The following PTCD3 variants were observed in gnomAD, a reference collection of about 807,000 sequenced individuals.
PTCD3 encodes small ribosomal subunit protein mS39.
In PTCD3, 89 loss-of-function variants were observed where a neutral mutation model predicts 101.9. The ratio of observed to expected loss-of-function variants is 0.87; its 90% CI spans 0.74 to 1.04. The LOEUF is 1.04. Among genes scored for constraint, PTCD3 ranks in the 50% least tolerant of loss-of-function variants. The probability of loss-of-function intolerance (pLI) is 0.00; values close to 1 mark genes in which losing one functional copy is unlikely to be tolerated. For missense variants in PTCD3, 870 were observed against 828.2 expected (o/e 1.05, Z -0.62); for synonymous variants, 296 against 278.5 (o/e 1.06, Z -0.63).
At chr2:86,120,318 C>T (rs1050501745) in intron 7 of PTCD3, among the ~76,000 whole-genome samples, 1 of 152,048 alleles carries the variant, frequency 6.6e-6, no homozygotes, top group Non-Finnish European at 1.5e-5. Context: ...GCTAACATAC[C>T]AGGGAAAGGA....
chr2:86,141,953 T>C lies in PTCD3; in HGVS notation c.*4394T>C, dbSNP rs565941725. ...CTCCGCTGCTTTTTGCACATGTTAC[T>C]GAGTTACATCTCAGGAAGATTTTTA... On this transcript the variant is annotated 3_prime_UTR_variant, in exon 24 of 24. Coordinates refer to ENST00000254630, the MANE Select transcript of PTCD3 (RefSeq NM_017952.6). 6.6e-6 allele frequency: 1 copy of C among 152,104 alleles called. No individual in the cohort carries two copies. Among genetic ancestry groups the C allele is most frequent in the South Asian group, 2.1e-4 (1 of 4,822 alleles). 9.4% of individuals were successfully genotyped at this position (152,104 alleles called of 1,614,324 possible).
intron 12 of PTCD3, 65 bp downstream of exon 12, chr2:86,125,945 G>C (rs1054690427): frequency 8.2e-7 from 1 of 1,214,754 alleles, no homozygotes; most frequent in Non-Finnish European, 1.2e-6. Context: ...AAATACATGG[G>C]CTGGCCAGGT....
intron 12 of PTCD3, 117 bp from the exon 13 acceptor site, chr2:86,127,044 T>C: frequency 1.1e-6 from 1 of 874,748 alleles, no homozygotes; most frequent in Non-Finnish European, 1.7e-6. Context: ...AGGGATATAG[T>C]TACTAACCTG....
In PTCD3 at chr2:86,137,881, G is replaced by A. The variant is rs978330410; in HGVS notation, c.*322G>A. Reference sequence around the variant, plus strand: ...TAGAGTGTCGGTGAGCTGACCTCACGATGCTGTCCTCGTGCGATTGCCCTC... The same window carrying A: ...TAGAGTGTCGGTGAGCTGACCTCACAATGCTGTCCTCGTGCGATTGCCCTC... On this transcript the variant is annotated 3_prime_UTR_variant, in exon 24 of 24. Coordinates refer to ENST00000254630, the MANE Select transcript of PTCD3 (RefSeq NM_017952.6). The A allele has an allele frequency of 1.5e-4, 42 of 283,908 alleles. No homozygotes were observed. Among genetic ancestry groups the A allele is most frequent in the South Asian group, 1.9e-4 (5 of 26,254 alleles). 17.6% of individuals were successfully genotyped at this position (283,908 alleles called of 1,614,324 possible). A position where few individuals can be genotyped will look rare whatever the true frequency, so the allele number is the denominator to read the frequency against.
At chr2:86,106,461 C>T (rs1016712889) in intron 1 of PTCD3, 110 bp downstream of exon 1, 1 of 1,134,900 alleles carries the variant, frequency 8.8e-7, no homozygotes, top group Non-Finnish European at 1.3e-6. Context: ...TCATGCGCGC[C>T]CTTAACGGTC....
Position 86,125,798 on chromosome 2 carries a change from A to G in PTCD3, c.869A>G (p.Asp290Gly). 6.3e-7 allele frequency: 1 copy of G among 1,596,590 alleles called. No individual in the cohort carries two copies. The highest frequency in any genetic ancestry group is 8.6e-7 in the Non-Finnish European group (1 of 1,166,740). ...TELLNNRLHA[D>G]VYTFNALIEA... ...TTATCATTTTATTATTTTACAGCTG[A>G]TGTATACACATTTAATGCATTGATT... is the stretch of plus-strand genomic sequence containing the variant. The change falls in exon 12 of 24, where the codon GAT becomes GGT. Residue 290 changes from aspartate (D) to glycine (G), a missense_variant. Asp to Gly is a moderately conservative substitution (Grantham distance 94). Transcript: ENST00000254630.
chr2:86,135,098 T>G, intron 21 of PTCD3, 111 bp downstream of exon 21: 1 of 1,306,022 alleles, frequency 7.7e-7, no homozygotes, highest in Non-Finnish European at 1.0e-6. Context: ...CGTATTTGAT[T>G]CGGGAACTTG....
chr2:86,124,475 A>G (rs912919837), intron 9 of PTCD3, among the ~76,000 whole-genome samples: 8 of 152,212 alleles, frequency 5.3e-5, no homozygotes, highest in Non-Finnish European at 8.8e-5. Flanking sequence ...AAATACAACA[A>G]TTAGCTAGGC....
At chr2:86,112,569 C>T (rs1243228462) in intron 4 of PTCD3, among the ~76,000 whole-genome samples, 1 of 150,466 alleles carries the variant, frequency 6.6e-6, no homozygotes, top group Non-Finnish European at 1.5e-5. Flanking sequence ...GTAGTCCTAC[C>T]TATTCAGGAG....
intron 21 of PTCD3, chr2:86,135,979 A>G (rs763666770): frequency 5.8e-6 from 3 of 519,234 alleles, no homozygotes; most frequent in South Asian, 1.4e-5. Context: ...GAGCACTTAC[A>G]TGAGACTGTT....
At chr2:86,112,681 C>CAAAAAAAAA (rs397953846) in intron 4 of PTCD3, among the ~76,000 whole-genome samples, 1 of 81,310 alleles carries the variant, frequency 1.2e-5, no homozygotes. Flanking sequence ...GACTCTGTCT[C>CAAAAAAAAA]AAAAAAAAAA....
chr2:86,125,801 T>G lies in PTCD3; in HGVS notation c.872T>G (p.Val291Gly). The G allele has an allele frequency of 6.2e-7, 1 of 1,600,152 alleles. No individual in the cohort carries two copies. Among genetic ancestry groups the G allele is most frequent in the Non-Finnish European group, 8.6e-7 (1 of 1,169,192 alleles). ...TCATTTTATTATTTTACAGCTGATG[T>G]ATACACATTTAATGCATTGATTGAA... ...ELLNNRLHAD[V>G]YTFNALIEAT... Residue 291 changes from valine to glycine, a missense_variant, in exon 12 of 24, where the codon GTA becomes GGA. Val to Gly is a moderately radical substitution (Grantham distance 109). Coordinates refer to ENST00000254630, the MANE Select transcript of PTCD3 (RefSeq NM_017952.6).
intron 4 of PTCD3, among the ~76,000 whole-genome samples, chr2:86,114,074 G>A (rs1674136531): frequency 6.6e-6 from 1 of 151,954 alleles, no homozygotes; most frequent in Admixed American, 6.6e-5. Context: ...AGAATTGTGT[G>A]TAGAATTGTG....
chr2:86,134,006 A>G (rs777595943), intron 19 of PTCD3, among the ~76,000 whole-genome samples: 45 of 152,342 alleles, frequency 3.0e-4, no homozygotes, highest in Non-Finnish European at 5.4e-4. Flanking sequence ...TGATAAAAGT[A>G]TATCAAATTC....
intron 17 of PTCD3, 167 bp downstream of exon 17, chr2:86,132,591 G>T: frequency 5.3e-5 from 20 of 377,324 alleles, no homozygotes; most frequent in East Asian, 1.0e-4. Flanking sequence ...AAAACTGCCA[G>T]ATTTGAAAGA....
intron 13 of PTCD3, 112 bp downstream of exon 13, chr2:86,127,417 A>G: frequency 3.1e-6 from 4 of 1,303,998 alleles, no homozygotes; most frequent in Non-Finnish European, 4.2e-6. Flanking sequence ...AATATGTTGG[A>G]AATTTTCTTT....
Position 86,106,309 on chromosome 2 carries a change from C to T in PTCD3, c.62C>T (p.Thr21Met), listed in dbSNP as rs771399564. ...CGCAGCAGGCTTGGCCAGCCGCTGA[C>T]GGGTCGGCGGGCGGGTTTGTGTGAA... ...GLRSRLGQPL[T>M]GRRAGLCEQA... The change falls in exon 1 of 24, where the codon ACG (threonine) becomes ATG (methionine). Residue 21 changes from threonine to methionine, a missense_variant. Coordinates refer to ENST00000254630, the MANE Select transcript of PTCD3 (RefSeq NM_017952.6). 3.7e-6 allele frequency: 6 copies of T among 1,613,918 alleles called. No individual in the cohort carries two copies. The East Asian group carries it at 6.7e-5, about 18-fold the overall frequency.
intron 14 of PTCD3, 26 bp downstream of exon 14, chr2:86,128,017 A>C: frequency 6.5e-7 from 1 of 1,545,224 alleles, no homozygotes; most frequent in Non-Finnish European, 8.9e-7. Context: ...AATTGTGTTA[A>C]TTTATATAGA....
Position 86,110,648 on chromosome 2 carries a change from C to G in PTCD3, c.195-465C>G, listed in dbSNP as rs1427113947. 2.0e-5 allele frequency among the ~76,000 whole-genome samples: 3 copies of G among 152,124 alleles called. No homozygotes were observed. In the South Asian group the frequency reaches 6.2e-4, roughly 32 times the overall value. ...GTTGCATCAGAATTATCTGGGAATT[C>G]AGTAAGAGTGTGTGTGACAGTCCTC... On this transcript the variant is annotated intron_variant, in intron 3 of 23. Transcript: ENST00000254630.
Sources: gnomAD v4.1 joint callset for allele counts (sites outside exome capture counted in the v4.1 genomes callset) on GRCh38, gnomAD v4.1.1 for gene constraint, MANE v1.5 for transcripts, NCBI Gene and HGNC (gene_info 2026-07-23, HGNC 2026-07-21) for gene names.